CCDC6: variants seen among roughly 807,000 people sequenced by gnomAD.
CCDC6 encodes coiled-coil domain containing 6.
CCDC6 carries 20 observed loss-of-function variants against 56.6 expected under a neutral mutation model. That is an observed-to-expected ratio of 0.35 (90% CI 0.25 to 0.51). The LOEUF (loss-of-function observed/expected upper bound fraction) is 0.51. Among genes scored for constraint, CCDC6 ranks in the 20% least tolerant of loss-of-function variants. The pLI is 0.95. For missense variants in CCDC6, 367 were observed against 601.1 expected (o/e 0.61, Z 4.07); for synonymous variants, 241 against 234.4 (o/e 1.03, Z -0.26).
At chr10:59,893,133 T>C (rs1341435255) in intron 1 of CCDC6, among the ~76,000 whole-genome samples, 6 of 152,196 alleles carry the variant, frequency 3.9e-5, no homozygotes, top group African/African-American at 1.4e-4. Context: ...TTATATGAAG[T>C]TCAAACACTA....
intron 1 of CCDC6, among the ~76,000 whole-genome samples, chr10:59,853,767 A>G (rs2071058200): frequency 6.6e-6 from 1 of 152,172 alleles, no homozygotes. Context: ...GAGAGAGATT[A>G]GTGAATTGAA....
chr10:59,807,854 G>T (rs1039835517), intron 5 of CCDC6, among the ~76,000 whole-genome samples: 1 of 152,198 alleles, frequency 6.6e-6, no homozygotes, highest in African/African-American at 2.4e-5. Flanking sequence ...TGTGACACTT[G>T]TTGGCATTCC....
chr10:59,902,223 C>A (rs2071508270), intron 1 of CCDC6, among the ~76,000 whole-genome samples: 1 of 152,010 alleles, frequency 6.6e-6, no homozygotes, highest in Non-Finnish European at 1.5e-5. Context: ...GGTAGTTTGA[C>A]CAGAATAGCC....
chr10:59,861,679 T>C (rs1455992864), intron 1 of CCDC6, among the ~76,000 whole-genome samples: 2 of 152,172 alleles, frequency 1.3e-5, no homozygotes, highest in African/African-American at 4.8e-5. Context: ...TAATTAGAGA[T>C]GAAGAATTCC....
chr10:59,899,507 A>G (rs1183481905), intron 1 of CCDC6, among the ~76,000 whole-genome samples: 1 of 152,252 alleles, frequency 6.6e-6, no homozygotes, highest in African/African-American at 2.4e-5. Context: ...TGCAAGACAC[A>G]GCAGACGTAA....
intron 2 of CCDC6, among the ~76,000 whole-genome samples, chr10:59,845,699 A>G (rs1190584425): frequency 6.6e-6 from 1 of 152,194 alleles, no homozygotes. Flanking sequence ...AATGAAAACA[A>G]TAAGAAAAAG....
At chr10:59,892,160 C>T (rs1222617130) in intron 1 of CCDC6, among the ~76,000 whole-genome samples, 1 of 152,226 alleles carries the variant, frequency 6.6e-6, no homozygotes, top group Non-Finnish European at 1.5e-5. Context: ...CCTTCTAGAA[C>T]CCATACCCCC....
At chr10:59,822,925 C>T (rs1290194138) in intron 3 of CCDC6, among the ~76,000 whole-genome samples, 16 of 151,892 alleles carry the variant, frequency 1.1e-4, no homozygotes, top group Non-Finnish European at 2.1e-4. Flanking sequence ...CCAGACTCAG[C>T]CGGTAGACAG....
At chr10:59,872,005 C>T (rs1664257) in intron 1 of CCDC6, among the ~76,000 whole-genome samples, 118,160 of 152,130 alleles carry the variant, frequency 0.78, 46,061 homozygotes, top group East Asian at 0.9. Flanking sequence ...AAATAAGGAG[C>T]CAATTATTAA....
intron 1 of CCDC6, among the ~76,000 whole-genome samples, chr10:59,860,736 A>G (rs1346765136): frequency 1.3e-5 from 2 of 152,144 alleles, no homozygotes; most frequent in African/African-American, 4.8e-5. Context: ...TAATAGAAAA[A>G]GAGGCGTGCT....
At position 59,848,473 on chromosome 10, in the gene CCDC6, G is replaced by A. The variant is rs560274776; in HGVS notation, c.453+4080C>T. Among the ~76,000 whole-genome samples, 589 of 152,250 alleles carry A rather than the reference G, an allele frequency of 3.9e-3. 9 individuals carry two copies. Among genetic ancestry groups the A allele is most frequent in the Non-Finnish European group, 9.3e-4 (63 of 68,022 alleles). On this transcript the variant is annotated intron_variant, in intron 2 of 8. Coordinates refer to ENST00000263102, the MANE Select transcript of CCDC6 (RefSeq NM_005436.5). ...GCATGCAGATCACTTGAGGTCAGGA[G>A]TTCAAGACCAGCCTGGCCAATGTGG... is the stretch of plus-strand genomic sequence containing the variant.
At chr10:59,889,623 A>T (rs2071407270) in intron 1 of CCDC6, among the ~76,000 whole-genome samples, 2 of 152,172 alleles carry the variant, frequency 1.3e-5, no homozygotes, top group Admixed American at 1.3e-4. Flanking sequence ...TGCAAGGTAC[A>T]GGTGACCTCT....
chr10:59,853,023 G>C (rs2071051934), intron 1 of CCDC6, among the ~76,000 whole-genome samples: 3 of 151,958 alleles, frequency 2.0e-5, no homozygotes, highest in South Asian at 4.2e-4. Context: ...CCAGAATACA[G>C]AAAGATCCTT....
At position 59,906,320 on chromosome 10, in the gene CCDC6, A is replaced by ACCGCCG. The variant is rs768784542; in HGVS notation, c.99_104dup (p.Gly43_Gly44dup). The ACCGCCG allele has an allele frequency of 5.1e-5, 82 of 1,600,168 alleles. No homozygotes were observed. The Middle Eastern group carries it at 8.5e-4, about 17-fold the overall frequency. ...CACCGCCGCCGCCTCCCCCGCCGCC[A>ACCGCCG]CCGCCGCCGCCCGAGGTCGACGAGC... On this transcript the variant is annotated inframe_insertion, in exon 1 of 9. Coordinates refer to ENST00000263102, the MANE Select transcript of CCDC6 (RefSeq NM_005436.5).
At chr10:59,881,002 G>A (rs1357660749) in intron 1 of CCDC6, among the ~76,000 whole-genome samples, 4 of 152,078 alleles carry the variant, frequency 2.6e-5, no homozygotes, top group Admixed American at 6.6e-5. Flanking sequence ...AGAGCAGAGC[G>A]TTGTCTGCCC....
At chr10:59,837,887 G>A (rs1324677318) in intron 2 of CCDC6, among the ~76,000 whole-genome samples, 2 of 151,936 alleles carry the variant, frequency 1.3e-5, no homozygotes, top group African/African-American at 4.8e-5. Context: ...AAGGAATGGA[G>A]CTACCTGCAT....
intron 3 of CCDC6, among the ~76,000 whole-genome samples, chr10:59,825,027 T>C (rs555850847): frequency 1.1e-4 from 16 of 152,356 alleles, no homozygotes; most frequent in East Asian, 1.9e-4. Context: ...CACAATTTCA[T>C]TGGATTCCTC....
At chr10:59,894,676 G>C (rs1015180666) in intron 1 of CCDC6, among the ~76,000 whole-genome samples, 112 of 152,266 alleles carry the variant, frequency 7.4e-4, no homozygotes, top group African/African-American at 2.5e-3. Context: ...GACTGGGATG[G>C]GGAGGGGTGG....
intron 2 of CCDC6, among the ~76,000 whole-genome samples, chr10:59,833,302 A>G (rs1281033665): frequency 1.3e-5 from 2 of 152,126 alleles, no homozygotes; most frequent in Non-Finnish European, 2.9e-5. Context: ...TATGAAAGTC[A>G]GCTGGGCGTG....
Sources: allele counts gnomAD v4.1 joint callset (sites outside exome capture counted in the v4.1 genomes callset), GRCh38; gene constraint gnomAD v4.1.1; transcripts MANE v1.5; gene names NCBI Gene and HGNC (gene_info 2026-07-23, HGNC 2026-07-21).